Variants in AOPEP observed in about 807,000 individuals in gnomAD.
The protein encoded by AOPEP is aminopeptidase O (putative).
In AOPEP, 77 loss-of-function variants were observed where a neutral mutation model predicts 98.1. The observed-to-expected ratio is 0.78, with a 90% CI of 0.65 to 0.95. The LOEUF is 0.95. Among genes scored for constraint, AOPEP ranks in the 40% least tolerant of loss-of-function variants. The probability of loss-of-function intolerance (pLI) is 0.00; values close to 1 mark genes in which losing one functional copy is unlikely to be tolerated. For synonymous variants in AOPEP, 346 were observed against 365.3 expected (o/e 0.95, Z 0.60); for missense variants, 1,024 against 1,024.7 (o/e 1.00, Z 0.01).
the AOPEP span, among the ~76,000 whole-genome samples, chr9:95,108,526 T>A: frequency 7.9e-5 from 12 of 152,266 alleles, no homozygotes; most frequent in South Asian, 2.5e-3. Context: ...GCCCAGACTG[T>A]CTTTCCCTTC....
chr9:95,005,252 G>T, intron 12 of AOPEP, 32 bp downstream of exon 12: 1 of 1,062,300 alleles, frequency 9.4e-7, no homozygotes, highest in Non-Finnish European at 1.1e-6. Context: ...CCTGCGCCCC[G>T]GTGGCGCCGG....
chr9:94,924,047 C>A lies in AOPEP; in HGVS notation c.1426C>A (p.Arg476Ser). The A allele has an allele frequency of 6.6e-7, 1 of 1,522,768 alleles. No homozygotes were observed. Among genetic ancestry groups the A allele is most frequent in the East Asian group, 2.6e-5 (1 of 38,664 alleles). 94.3% of individuals were successfully genotyped at this position (1,522,768 alleles called of 1,614,324 possible). ...AGGAGGGAACCATCTCTGTGGGACC[C>A]GCCTCTGCCATGAAATTGCCCATGC... Reference protein sequence around the residue: ...LTGGNHLCGTRLCHEIAHAWF... With the variant: ...LTGGNHLCGTSLCHEIAHAWF... Residue 476 changes from arginine (R) to serine (S), a missense_variant, in exon 6 of 17, where the codon CGC becomes AGC. Physicochemically the swap from Arg to Ser is moderately radical, Grantham distance 110. This residue lies in a region of AOPEP where 566 missense variants were observed against 551.7 expected (regional missense o/e 1.03). Coordinates refer to ENST00000375315, the MANE Select transcript of AOPEP (RefSeq NM_001193329.3).
chr9:94,989,710 CAA>C lies in AOPEP; in HGVS notation c.1977+10284_1977+10285del, dbSNP rs1370623831. ...CACTGCAACCTCCACCTCCACGAAT[CAA>C]GAGATTCTCCTGCCTCAGCCTCCTG... On this transcript the variant is annotated intron_variant, in intron 11 of 16. Coordinates refer to ENST00000375315, the MANE Select transcript of AOPEP (RefSeq NM_001193329.3). Among the ~76,000 whole-genome samples the C allele has an allele frequency of 3.3e-5, 5 of 150,608 alleles. No individual in the cohort carries two copies. The East Asian group carries it at 9.9e-4, about 30-fold the overall frequency.
At chr9:95,040,051 C>T (rs1375344228) in intron 13 of AOPEP, among the ~76,000 whole-genome samples, 1 of 152,182 alleles carries the variant, frequency 6.6e-6, no homozygotes, top group Non-Finnish European at 1.5e-5. Context: ...CTCATCAGCC[C>T]TGCTTTAATA....
intron 13 of AOPEP, among the ~76,000 whole-genome samples, chr9:95,014,303 G>C (rs746303390): frequency 6.8e-6 from 1 of 147,544 alleles, no homozygotes; most frequent in Non-Finnish European, 1.5e-5. Context: ...CCCATCTCTA[G>C]AAAAAAAAAA....
chr9:94,742,913 A>G (rs566773066), intron 1 of AOPEP, among the ~76,000 whole-genome samples: 1 of 152,188 alleles, frequency 6.6e-6, no homozygotes, highest in South Asian at 2.1e-4. Context: ...ATTGCTTTGG[A>G]GATAGGAGGC....
At chr9:94,975,548 C>T (rs989719088) in intron 10 of AOPEP, among the ~76,000 whole-genome samples, 5 of 152,224 alleles carry the variant, frequency 3.3e-5, no homozygotes, top group Non-Finnish European at 4.4e-5. Flanking sequence ...ATGCTTCCTA[C>T]GGAAAGTCAT....
At chr9:94,898,816 G>C (rs1043540348) in intron 5 of AOPEP, among the ~76,000 whole-genome samples, 2 of 149,474 alleles carry the variant, frequency 1.3e-5, no homozygotes, top group East Asian at 2.1e-4. Flanking sequence ...GGTGGCAGGC[G>C]CTTGTAGTCC....
intron 13 of AOPEP, among the ~76,000 whole-genome samples, chr9:95,030,987 T>C (rs1052018672): frequency 6.6e-6 from 1 of 152,240 alleles, no homozygotes; most frequent in African/African-American, 2.4e-5. Context: ...GAAAGAAGTA[T>C]AACTGATACT....
At chr9:95,030,682 C>T (rs2064218946) in intron 13 of AOPEP, among the ~76,000 whole-genome samples, 2 of 151,250 alleles carry the variant, frequency 1.3e-5, no homozygotes, top group African/African-American at 4.9e-5. Context: ...TGTGTCTCTT[C>T]TTCCTCTCTG....
intron 5 of AOPEP, among the ~76,000 whole-genome samples, chr9:94,813,247 C>T (rs957638012): frequency 1.3e-5 from 2 of 152,084 alleles, no homozygotes; most frequent in African/African-American, 4.8e-5. Context: ...GTGATTGCTC[C>T]CTCATTTTAA....
the AOPEP span, among the ~76,000 whole-genome samples, chr9:95,105,701 C>CT: frequency 1.3e-5 from 2 of 152,222 alleles, no homozygotes; most frequent in Non-Finnish European, 2.9e-5. Flanking sequence ...GGACTTGACT[C>CT]TTCCAGGTGC....
chr9:95,003,338 T>C (rs1156961596), intron 11 of AOPEP, among the ~76,000 whole-genome samples: 1 of 152,238 alleles, frequency 6.6e-6, no homozygotes, highest in African/African-American at 2.4e-5. Flanking sequence ...ATTTTGGATT[T>C]TGTTTCTTCC....
intron 9 of AOPEP, among the ~76,000 whole-genome samples, chr9:94,956,220 C>T (rs1042076639): frequency 2.0e-5 from 3 of 152,136 alleles, no homozygotes; most frequent in African/African-American, 7.2e-5. Flanking sequence ...AACTATAACC[C>T]AAAGCTGTCT....
At chr9:94,947,319 C>T (rs1031296583) in intron 7 of AOPEP, among the ~76,000 whole-genome samples, 1 of 152,082 alleles carries the variant, frequency 6.6e-6, no homozygotes, top group Non-Finnish European at 1.5e-5. Flanking sequence ...TTCTCTGTCG[C>T]CCAGGCTAGA....
At chr9:94,789,729 C>G (rs1845230161) in intron 3 of AOPEP, among the ~76,000 whole-genome samples, 1 of 152,190 alleles carries the variant, frequency 6.6e-6, no homozygotes, top group Non-Finnish European at 1.5e-5. Context: ...CTGTGACTGT[C>G]CCTACCTCCT....
intron 13 of AOPEP, among the ~76,000 whole-genome samples, chr9:95,054,690 C>T (rs1407962564): frequency 1.3e-5 from 2 of 152,150 alleles, no homozygotes; most frequent in African/African-American, 4.8e-5. Context: ...TCTTTTTGAA[C>T]TGTAACTATT....
rs973201473 is a variant in AOPEP at position 94,779,198 on chromosome 9, G to T, written c.964+6030G>T. 2.0e-5 allele frequency among the ~76,000 whole-genome samples: 3 copies of T among 152,170 alleles called. No individual in the cohort carries two copies. The South Asian group carries it at 6.2e-4, about 32-fold the overall frequency. On this transcript the variant is annotated intron_variant, in intron 3 of 16. Coordinates refer to ENST00000375315, the MANE Select transcript of AOPEP (RefSeq NM_001193329.3). The stretch of plus-strand genomic sequence containing the variant: ...CTAGACTCACATAGGCTTTTTCTCT[G>T]TTGTCTCTGTTTGGTTCCCTGACTT...
rs2049929201 is a variant in AOPEP at position 94,898,671 on chromosome 9, CA to C, written c.1365-25314del. On this transcript the variant is annotated intron_variant, in intron 5 of 16. Transcript: ENST00000375315. ...ATGAAAAAAAAAAAAAGGCCGGGTG[CA>C]GTGGCTCATGCCTGTAATCCCAGCA... Among the ~76,000 whole-genome samples, 3 of 141,844 alleles carry C rather than the reference CA, an allele frequency of 2.1e-5. No individual in the cohort carries two copies. The South Asian group carries it at 6.7e-4, about 32-fold the overall frequency. 93.1% of individuals were successfully genotyped at this position (141,844 alleles called of 152,430 possible). A position where few individuals can be genotyped will look rare whatever the true frequency, so the allele number is the denominator to read the frequency against.
Sources: gnomAD v4.1 joint callset for allele counts (sites outside exome capture counted in the v4.1 genomes callset) on GRCh38, gnomAD v4.1.1 for gene constraint, gnomAD v4.1.1 regional missense constraint, MANE v1.5 for transcripts, NCBI Gene and HGNC (gene_info 2026-07-23, HGNC 2026-07-21) for gene names.